TCF12: variants seen among roughly 807,000 people sequenced by gnomAD.
The protein encoded by TCF12 is transcription factor 12.
A neutral mutation model predicts 86.0 loss-of-function variants in TCF12; 45 were observed. That is an observed-to-expected ratio of 0.52 (90% CI 0.41 to 0.67). The LOEUF is 0.67. Ranked by LOEUF, TCF12 falls within the 30% of genes least tolerant of loss-of-function variation. TCF12 has a pLI of 0.00. For synonymous variants in TCF12, 330 were observed against 299.6 expected (o/e 1.10, Z -1.05); for missense variants, 881 against 859.9 (o/e 1.02, Z -0.31).
chr15:57,211,371 G>T lies in TCF12; in HGVS notation c.579+13546G>T, dbSNP rs921159721. ...CTTGAGCCCAAGAGTTCAAGACCAG[G>T]CTGGGCAACAAAGTGAGACCTTGTG... On this transcript the variant is annotated intron_variant, in intron 8 of 20. Transcript: ENST00000333725. Among the ~76,000 whole-genome samples the T allele has an allele frequency of 1.5e-4, 23 of 151,948 alleles. 1 individual carries two copies. Among genetic ancestry groups the T allele is most frequent in the Admixed American group, 8.5e-4 (13 of 15,250 alleles).
At chr15:57,093,462 A>G (rs560615910) in intron 5 of TCF12, among the ~76,000 whole-genome samples, 292 of 152,298 alleles carry the variant, frequency 1.9e-3, no homozygotes, top group African/African-American at 6.8e-3. Context: ...TTTTGTATTT[A>G]TGTTCTTACC....
intron 3 of TCF12, among the ~76,000 whole-genome samples, chr15:57,033,699 T>G (rs1424281984): frequency 6.6e-6 from 1 of 152,200 alleles, no homozygotes; most frequent in Non-Finnish European, 1.5e-5. Context: ...ACGTATAGAA[T>G]TTTATGATAT....
chr15:57,001,599 A>G (rs1400904299), intron 3 of TCF12, among the ~76,000 whole-genome samples: 1 of 152,190 alleles, frequency 6.6e-6, no homozygotes, highest in Non-Finnish European at 1.5e-5. Flanking sequence ...CTGATGTTTC[A>G]GAAAGCAGAG....
At position 57,253,394 on chromosome 15, in the gene TCF12, A is replaced by G; in HGVS notation, c.1393A>G (p.Asn465Asp). 6.2e-7 allele frequency: 1 copy of G among 1,614,092 alleles called. No individual in the cohort carries two copies. Among genetic ancestry groups the G allele is most frequent in the East Asian group, 2.2e-5 (1 of 44,864 alleles). ...ACATAGTTTATTGGGACCATCCCATAATGCACCAATTGGAAGCCTCAATTC... is the reference window on the plus strand; with the variant it reads ...ACATAGTTTATTGGGACCATCCCATGATGCACCAATTGGAAGCCTCAATTC... ...DIHSLLGPSH[N>D]APIGSLNSNY... The change falls in exon 16 of 21, where the codon AAT becomes GAT. Residue 465 changes from asparagine (N) to aspartate (D), a missense_variant. Coordinates refer to ENST00000333725, the MANE Select transcript of TCF12 (RefSeq NM_207037.2).
intron 3 of TCF12, among the ~76,000 whole-genome samples, chr15:56,972,579 T>A (rs2062393274): frequency 6.6e-6 from 1 of 152,168 alleles, no homozygotes; most frequent in Non-Finnish European, 1.5e-5. Flanking sequence ...AATATACATC[T>A]GTCTGCAAAT....
chr15:57,035,431 T>G (rs145253685), intron 3 of TCF12, among the ~76,000 whole-genome samples: 5 of 152,132 alleles, frequency 3.3e-5, no homozygotes. Context: ...GCCTGGCTAA[T>G]TTTTTAAAAT....
At chr15:57,129,066 T>C (rs1192150656) in intron 5 of TCF12, among the ~76,000 whole-genome samples, 2 of 152,204 alleles carry the variant, frequency 1.3e-5, no homozygotes, top group African/African-American at 4.8e-5. Context: ...AGTTACCAGG[T>C]AATATAACTC....
chr15:56,937,952 G>A (rs2060540142), intron 3 of TCF12, among the ~76,000 whole-genome samples: 1 of 149,972 alleles, frequency 6.7e-6, no homozygotes, highest in South Asian at 2.1e-4. Flanking sequence ...GATTCGGTTA[G>A]CTAGTATTTT....
At chr15:57,272,377 A>G (rs1460249084) in intron 18 of TCF12, among the ~76,000 whole-genome samples, 3 of 152,194 alleles carry the variant, frequency 2.0e-5, no homozygotes, top group African/African-American at 7.2e-5. Context: ...CATTTCTCCC[A>G]TGTTTTATAA....
In TCF12 at chr15:57,077,323, ATATATGTGTGTGTGTGTGTG is replaced by A. The variant is rs1473479283; in HGVS notation, c.222+13502_222+13521del. On this transcript the variant is annotated intron_variant, in intron 4 of 20. Transcript: ENST00000333725. ...GTATTTACTTTCCATATATATGTAT[ATATATGTGTGTGTGTGTGTG>A]TGTGTGTGTGTGTGTGTGTGTGTGT... is the stretch of plus-strand genomic sequence containing the variant. Among the ~76,000 whole-genome samples the A allele has an allele frequency of 2.8e-4, 10 of 35,684 alleles. No individual in the cohort carries two copies. In the East Asian group the frequency reaches 6.2e-3, roughly 22 times the overall value. The allele number at this position is 35,684 out of a possible 152,430, so 23.4% of individuals were successfully genotyped here. A position where few individuals can be genotyped will look rare whatever the true frequency, so the allele number is the denominator to read the frequency against.
chr15:57,176,107 A>G (rs1157512512), intron 6 of TCF12, among the ~76,000 whole-genome samples: 1 of 152,144 alleles, frequency 6.6e-6, no homozygotes, highest in Admixed American at 6.6e-5. Flanking sequence ...CTGAGGCAGG[A>G]GGATTGTTTG....
chr15:56,988,016 T>G (rs771644044), intron 3 of TCF12, among the ~76,000 whole-genome samples: 1 of 152,226 alleles, frequency 6.6e-6, no homozygotes, highest in Non-Finnish European at 1.5e-5. Flanking sequence ...GTATGTGGTC[T>G]TATGCTTATA....
intron 3 of TCF12, among the ~76,000 whole-genome samples, chr15:57,022,076 ATGT>A (rs1332471268): frequency 6.6e-6 from 1 of 151,814 alleles, no homozygotes; most frequent in African/African-American, 2.4e-5. Context: ...GTATGTATGT[ATGT>A]ATTATACTTT....
At chr15:57,283,111 T>C (rs2061771138) in intron 20 of TCF12, among the ~76,000 whole-genome samples, 1 of 152,218 alleles carries the variant, frequency 6.6e-6, no homozygotes. Context: ...AGCACATCAG[T>C]TAACACCCTC....
In TCF12 at chr15:57,239,984, T is replaced by C. The variant is rs527691355; in HGVS notation, c.1036-3488T>C. 9.2e-5 allele frequency among the ~76,000 whole-genome samples: 14 copies of C among 152,222 alleles called. No individual in the cohort carries two copies. The South Asian group carries it at 2.9e-3, about 32-fold the overall frequency. On this transcript the variant is annotated intron_variant, in intron 12 of 20. Transcript: ENST00000333725. ...ATAGTTGATATTTGACAAAGAATAC[T>C]ATTACCAAGAGATAAAGCACAGGGA...
intron 5 of TCF12, among the ~76,000 whole-genome samples, chr15:57,127,955 G>A (rs2051797084): frequency 6.6e-6 from 1 of 152,100 alleles, no homozygotes; most frequent in South Asian, 2.1e-4. Flanking sequence ...AATTTTATGA[G>A]CTTACCAAAT....
intron 3 of TCF12, among the ~76,000 whole-genome samples, chr15:57,007,852 C>CCCTTCCTTCCTTCCTTCCTTCCTT (rs60825721): frequency 2.7e-4 from 27 of 101,244 alleles, no homozygotes; most frequent in Non-Finnish European, 4.0e-4. Context: ...CTCTTTCCCT[C>CCCTTCCTTCCTTCCTTCCTTCCTT]CCTTCCTTCC....
intron 3 of TCF12, among the ~76,000 whole-genome samples, chr15:57,007,852 CCCTTCCTTCCTTCCTTCCTTCCTT>C (rs60825721): frequency 0.16 from 15,894 of 101,170 alleles, 1,439 homozygotes; most frequent in East Asian, 0.27. Flanking sequence ...CTCTTTCCCT[CCCTTCCTTCCTTCCTTCCTTCCTT>C]CCTTCCTTCC....
intron 5 of TCF12, among the ~76,000 whole-genome samples, chr15:57,126,520 CAAAA>C (rs1173050116): frequency 6.6e-6 from 1 of 152,104 alleles, no homozygotes; most frequent in Non-Finnish European, 1.5e-5. Context: ...CTTTAAGAAA[CAAAA>C]AACTAAAACC....
Sources: gnomAD v4.1 joint callset for allele counts (sites outside exome capture counted in the v4.1 genomes callset) on GRCh38, gnomAD v4.1.1 for gene constraint, MANE v1.5 for transcripts, NCBI Gene and HGNC (gene_info 2026-07-23, HGNC 2026-07-21) for gene names.